Variants in ST6GAL1 observed in about 807,000 individuals in gnomAD.
ST6GAL1 encodes the protein ST6 beta-galactoside alpha-2,6-sialyltransferase 1.
In ST6GAL1, 20 loss-of-function variants were observed where a neutral mutation model predicts 38.0. That is an observed-to-expected ratio of 0.53 (90% CI 0.37 to 0.77). The LOEUF is 0.77. Ranked by LOEUF, ST6GAL1 falls within the 30% of genes least tolerant of loss-of-function variation. The probability of loss-of-function intolerance (pLI) is 0.00; values close to 1 mark genes in which losing one functional copy is unlikely to be tolerated. For synonymous variants in ST6GAL1, 196 were observed against 188.2 expected, an observed-to-expected ratio of 1.04 and a Z score of -0.34; for missense variants, 432 against 496.4, an observed-to-expected ratio of 0.87 and a Z score of 1.23.
At chr3:187,049,224 A>G (rs935112409) in intron 4 of ST6GAL1, among the ~76,000 whole-genome samples, 1 of 152,138 alleles carries the variant, frequency 6.6e-6, no homozygotes, top group Non-Finnish European at 1.5e-5. Flanking sequence ...GTTAATTGGC[A>G]TTTCTCACTC....
chr3:186,988,096 G>C (rs1480585130), intron 2 of ST6GAL1, among the ~76,000 whole-genome samples: 1 of 152,152 alleles, frequency 6.6e-6, no homozygotes, highest in Non-Finnish European at 1.5e-5. Flanking sequence ...AGGCATTTTT[G>C]TATGATACAG....
At chr3:187,058,283 C>G (rs548506018) in intron 5 of ST6GAL1, among the ~76,000 whole-genome samples, 1 of 152,168 alleles carries the variant, frequency 6.6e-6, no homozygotes, top group African/African-American at 2.4e-5. Flanking sequence ...TGCTTTGGCT[C>G]GTCCTCCATG....
At chr3:187,005,932 A>C (rs1196179409) in intron 2 of ST6GAL1, among the ~76,000 whole-genome samples, 1 of 152,138 alleles carries the variant, frequency 6.6e-6, no homozygotes, top group Non-Finnish European at 1.5e-5. Flanking sequence ...AAGAGGAGAC[A>C]TAGGCATCTT....
At chr3:187,062,606 A>ACACACACACACAC (rs1553835854) in intron 5 of ST6GAL1, among the ~76,000 whole-genome samples, 21 of 150,754 alleles carry the variant, frequency 1.4e-4, no homozygotes, top group South Asian at 6.3e-4. Flanking sequence ...ACACACACAC[A>ACACACACACACAC]AAATACTATA....
At chr3:186,945,809 A>G (rs1226899791) in intron 1 of ST6GAL1, among the ~76,000 whole-genome samples, 3 of 150,812 alleles carry the variant, frequency 2.0e-5, no homozygotes, top group Non-Finnish European at 4.4e-5. Context: ...ACACAGTGAA[A>G]CCCTGTCTCT....
chr3:186,997,957 C>T (rs1716477281), intron 2 of ST6GAL1, among the ~76,000 whole-genome samples: 1 of 151,750 alleles, frequency 6.6e-6, no homozygotes, highest in African/African-American at 2.4e-5. Flanking sequence ...ATTAAAAAAG[C>T]AAAAAGAGGC....
intron 2 of ST6GAL1, among the ~76,000 whole-genome samples, chr3:187,029,299 T>A (rs1717657883): frequency 6.6e-6 from 1 of 152,086 alleles, no homozygotes; most frequent in Non-Finnish European, 1.5e-5. Context: ...GGGATACTTA[T>A]CAATTAAACA....
At chr3:187,044,754 A>T (rs1718240358) in intron 4 of ST6GAL1, among the ~76,000 whole-genome samples, 1 of 152,150 alleles carries the variant, frequency 6.6e-6, no homozygotes, top group South Asian at 2.1e-4. Context: ...TGTTAATTAG[A>T]ACTACAGCTT....
chr3:186,946,850 CTG>C lies in ST6GAL1; in HGVS notation c.-325+16019_-325+16020del, dbSNP rs531685136. Among the ~76,000 whole-genome samples the C allele has an allele frequency of 1.3e-3, 203 of 152,254 alleles. 1 individual carries two copies. Among genetic ancestry groups the C allele is most frequent in the African/African-American group, 4.8e-3 (200 of 41,548 alleles). ...GAACGGAGATACAGATGGATGAACA[CTG>C]TGGGGGATTTGAGAGTCAGTTATGC... On this transcript the variant is annotated intron_variant, in intron 1 of 7. Coordinates refer to ENST00000169298, the MANE Select transcript of ST6GAL1 (RefSeq NM_173216.2).
At chr3:187,039,898 G>A (rs1313357824) in intron 3 of ST6GAL1, among the ~76,000 whole-genome samples, 1 of 152,204 alleles carries the variant, frequency 6.6e-6, no homozygotes, top group African/African-American at 2.4e-5. Context: ...GGCCATGACA[G>A]AGCACAGGCT....
chr3:186,956,379 T>G (rs182198195), intron 1 of ST6GAL1, among the ~76,000 whole-genome samples: 1,631 of 152,324 alleles, frequency 0.011, 10 homozygotes, highest in Admixed American at 0.018. Flanking sequence ...TGTTTTTTTT[T>G]CTTCCTGGTA....
chr3:187,077,783 G>A lies in ST6GAL1; in HGVS notation c.*1980G>A, dbSNP rs1719612845. 1 of 152,414 alleles carries A rather than the reference G, an allele frequency of 6.6e-6. No individual in the cohort carries two copies. The highest frequency in any genetic ancestry group is 2.4e-5 in the African/African-American group (1 of 41,462). 9.4% of individuals were successfully genotyped at this position (152,414 alleles called of 1,614,324 possible). On this transcript the variant is annotated 3_prime_UTR_variant, in exon 8 of 8. Coordinates refer to ENST00000169298, the MANE Select transcript of ST6GAL1 (RefSeq NM_173216.2). ...ACACCTCGGCTGCATGCACCCTGCTGTGACGGAGGCTAGTGTGGAAGAGGT... is the reference window on the plus strand; with the variant it reads ...ACACCTCGGCTGCATGCACCCTGCTATGACGGAGGCTAGTGTGGAAGAGGT...
At chr3:186,942,117 G>A (rs1294422812) in intron 1 of ST6GAL1, among the ~76,000 whole-genome samples, 1 of 152,200 alleles carries the variant, frequency 6.6e-6, no homozygotes, top group African/African-American at 2.4e-5. Flanking sequence ...AGCTTTGAGA[G>A]TCTGTGACTA....
intron 2 of ST6GAL1, among the ~76,000 whole-genome samples, chr3:186,992,614 T>C (rs879686045): frequency 6.6e-6 from 1 of 152,110 alleles, no homozygotes; most frequent in Non-Finnish European, 1.5e-5. Flanking sequence ...GCCAACATGG[T>C]GAAACCCCGT....
intron 5 of ST6GAL1, among the ~76,000 whole-genome samples, chr3:187,071,776 CAA>C (rs11330261): frequency 2.3e-3 from 169 of 72,332 alleles, no homozygotes; most frequent in South Asian, 0.02. Flanking sequence ...GACTCCGCCT[CAA>C]AAAAAAAAAA....
intron 5 of ST6GAL1, among the ~76,000 whole-genome samples, chr3:187,066,937 A>G (rs940313390): frequency 6.6e-6 from 1 of 152,076 alleles, no homozygotes; most frequent in African/African-American, 2.4e-5. Flanking sequence ...CAAGGTGGTT[A>G]TGTCTAAATA....
chr3:186,947,980 G>C (rs1714437701), intron 1 of ST6GAL1, among the ~76,000 whole-genome samples: 1 of 152,346 alleles, frequency 6.6e-6, no homozygotes, highest in East Asian at 1.9e-4. Flanking sequence ...GCAAGAAACT[G>C]CTTCCCTGAC....
chr3:186,998,944 GA>G (rs1307579842), intron 2 of ST6GAL1, among the ~76,000 whole-genome samples: 1 of 152,246 alleles, frequency 6.6e-6, no homozygotes, highest in Non-Finnish European at 1.5e-5. Context: ...GAAGCCCAGA[GA>G]GGTTAGGTAA....
intron 1 of ST6GAL1, among the ~76,000 whole-genome samples, chr3:186,939,795 C>T (rs1452484562): frequency 1.3e-5 from 2 of 152,182 alleles, no homozygotes; most frequent in Non-Finnish European, 2.9e-5. Flanking sequence ...ACACACAACG[C>T]CCCATGCTTG....
Sources: allele counts gnomAD v4.1 joint callset (sites outside exome capture counted in the v4.1 genomes callset), GRCh38; gene constraint gnomAD v4.1.1; transcripts MANE v1.5; gene names NCBI Gene and HGNC (gene_info 2026-07-23, HGNC 2026-07-21).